Variants in CERS4 observed in about 807,000 individuals in gnomAD.
CERS4 encodes LAG1 homolog, ceramide synthase 4.
In CERS4, 65 loss-of-function variants were observed where a neutral mutation model predicts 51.8. The ratio of observed to expected loss-of-function variants is 1.26; its 90% CI spans 1.03 to 1.54. The LOEUF (loss-of-function observed/expected upper bound fraction) is 1.54. Ranked by LOEUF, CERS4 falls within the 40% of genes most tolerant of loss-of-function variation. The probability of loss-of-function intolerance (pLI) is 0.00; values close to 1 mark genes in which losing one functional copy is unlikely to be tolerated. For synonymous variants in CERS4, 228 were observed against 208.4 expected (o/e 1.09, Z -0.81); for missense variants, 563 against 500.4 (o/e 1.13, Z -1.19).
At chr19:8,213,737 G>A (rs529055444) in intron 2 of CERS4, among the ~76,000 whole-genome samples, 50 of 152,144 alleles carry the variant, frequency 3.3e-4, no homozygotes, top group African/African-American at 1.1e-3. Context: ...AGGCCGAGGC[G>A]GGCAGATCAC....
At chr19:8,244,615 C>T (rs1052132455) in intron 2 of CERS4, among the ~76,000 whole-genome samples, 1 of 152,148 alleles carries the variant, frequency 6.6e-6, no homozygotes, top group African/African-American at 2.4e-5. Flanking sequence ...ACTGGACATG[C>T]CAGAGCACCC....
At chr19:8,248,572 A>G (rs1968892235) in intron 2 of CERS4, among the ~76,000 whole-genome samples, 1 of 151,456 alleles carries the variant, frequency 6.6e-6, no homozygotes, top group Non-Finnish European at 1.5e-5. Context: ...ATGGGTGGAC[A>G]GATGGATGAT....
rs911170233 is a variant in CERS4 at position 8,210,745 on chromosome 19, G to A, written c.-119G>A. 13 of 152,274 alleles carry A rather than the reference G, an allele frequency of 8.5e-5. No individual in the cohort carries two copies. Among genetic ancestry groups the A allele is most frequent in the African/African-American group, 3.1e-4 (13 of 41,440 alleles). The allele number at this position is 152,274 out of a possible 1,614,324, so 9.4% of individuals were successfully genotyped here. ...AATAAACACAGAAGTGGAGCTGGGG[G>A]ACTGATTAGAAGCCTCATTCAGTGC... On this transcript the variant is annotated 5_prime_UTR_variant, in exon 2 of 12. Transcript: ENST00000251363. This position sits in a 1 kb window ranked among gnomAD's most constrained non-coding sequence, Gnocchi z 4.2.
At chr19:8,254,661 G>T in intron 4 of CERS4, 45 bp downstream of exon 4, 2 of 1,523,018 alleles carry the variant, frequency 1.3e-6, no homozygotes, top group South Asian at 2.4e-5. Context: ...TGCCCTGGGG[G>T]TGGGGCGTGG....
chr19:8,227,605 G>A (rs1967841084), intron 2 of CERS4, among the ~76,000 whole-genome samples: 1 of 151,970 alleles, frequency 6.6e-6, no homozygotes, highest in South Asian at 2.1e-4. Context: ...GCCTCCCAAA[G>A]TGCTCGGCTT....
chr19:8,261,382 G>A (rs1969695025), intron 10 of CERS4: 1 of 386,940 alleles, frequency 2.6e-6, no homozygotes, highest in South Asian at 3.3e-5. Context: ...GGGGGTCTGA[G>A]GAGTAGAGAG....
chr19:8,246,608 C>G (rs1366815157), intron 2 of CERS4, among the ~76,000 whole-genome samples: 1 of 151,920 alleles, frequency 6.6e-6, no homozygotes, highest in African/African-American at 2.4e-5. Context: ...AAGGAAAAAC[C>G]CATAAGCAAA....
intron 2 of CERS4, among the ~76,000 whole-genome samples, chr19:8,241,796 C>T (rs74176286): frequency 0.042 from 6,344 of 152,176 alleles, 211 homozygotes; most frequent in Admixed American, 0.064. Context: ...ATAAACTGCC[C>T]GCCTGCCCTG....
intron 3 of CERS4, among the ~76,000 whole-genome samples, chr19:8,252,938 G>A (rs1185116002): frequency 6.6e-6 from 1 of 152,200 alleles, no homozygotes; most frequent in Non-Finnish European, 1.5e-5. Context: ...GCATGTCTCT[G>A]AGCCTCAGTT....
chr19:8,248,753 T>TTGGA (rs540923046), intron 2 of CERS4, among the ~76,000 whole-genome samples: 8 of 147,034 alleles, frequency 5.4e-5, no homozygotes, highest in South Asian at 2.2e-4. Flanking sequence ...GGACAGGTGT[T>TTGGA]TGGATGGATG....
intron 2 of CERS4, among the ~76,000 whole-genome samples, chr19:8,221,043 T>C (rs902739016): frequency 2.0e-5 from 3 of 151,838 alleles, no homozygotes; most frequent in South Asian, 4.2e-4. Flanking sequence ...GCCAGGATGG[T>C]CTCGATCTCC....
intron 2 of CERS4, among the ~76,000 whole-genome samples, chr19:8,246,936 C>T (rs1017656921): frequency 2.0e-5 from 3 of 152,030 alleles, no homozygotes; most frequent in Non-Finnish European, 4.4e-5. Context: ...GAGGCTGAGG[C>T]GGGCAGATCA....
At chr19:8,261,616 T>A (rs1969705072) in intron 10 of CERS4, 72 bp from the exon 11 acceptor site, 9 of 1,568,584 alleles carry the variant, frequency 5.7e-6, no homozygotes, top group Non-Finnish European at 7.0e-6. Flanking sequence ...GCCATGCCAG[T>A]TAGAAATTCT....
At chr19:8,232,410 C>T (rs1234162691) in intron 2 of CERS4, among the ~76,000 whole-genome samples, 1 of 152,046 alleles carries the variant, frequency 6.6e-6, no homozygotes, top group East Asian at 1.9e-4. Context: ...CCTGCCTCAG[C>T]CTCCCTAGTA....
intron 2 of CERS4, among the ~76,000 whole-genome samples, chr19:8,220,315 C>G (rs911845897): frequency 2.0e-5 from 3 of 151,844 alleles, no homozygotes; most frequent in Admixed American, 6.6e-5. Flanking sequence ...CCTCTCTCTT[C>G]TTTTCTGGAG....
chr19:8,255,602 C>A lies in CERS4; in HGVS notation c.292-5C>A, dbSNP rs769796525. On this transcript the variant is annotated splice_region_variant and splice_polypyrimidine_tract_variant and intron_variant, in intron 4 of 11. Transcript: ENST00000251363. ...TGACCCTTGTCCTCATCACCCCCTC[C>A]CCAGCCCCAGCTGTCTCTCCTGGCC... 1 of 1,609,028 alleles carries A rather than the reference C, an allele frequency of 6.2e-7. No individual in the cohort carries two copies. Among genetic ancestry groups the A allele is most frequent in the South Asian group, 1.1e-5 (1 of 90,532 alleles).
At position 8,260,950 on chromosome 19, in the gene CERS4, C is replaced by CCAAAAA. The variant is rs1969654403; in HGVS notation, c.849-738_849-737insCAAAAA. On this transcript the variant is annotated intron_variant, in intron 10 of 11. Transcript: ENST00000251363. ...TGGGTGACAGAGCAAGACTCCATCT[C>CCAAAAA]AAAAAAAAAAAAAAAAAAAAAAAAA... The CCAAAAA allele has an allele frequency of 5.6e-5, 2 of 35,998 alleles. 1 individual carries two copies. The highest frequency in any genetic ancestry group is 9.7e-5 in the Non-Finnish European group (2 of 20,636). 2.2% of individuals were successfully genotyped at this position (35,998 alleles called of 1,614,324 possible). A position where few individuals can be genotyped will look rare whatever the true frequency, so the allele number is the denominator to read the frequency against.
intron 2 of CERS4, among the ~76,000 whole-genome samples, chr19:8,236,552 G>A (rs893793894): frequency 6.6e-6 from 1 of 151,662 alleles, no homozygotes; most frequent in Non-Finnish European, 1.5e-5. Context: ...GGTGGCACCC[G>A]CCTGTAGTCC....
At position 8,262,331 on chromosome 19, in the gene CERS4, G is replaced by A. The variant is rs1969751827; in HGVS notation, c.*222G>A. ...ATCTGGGAGCCAGCAGCTGGATGCT[G>A]TGGCTGGCCAGAGACACCTCCAGGC... is the stretch of plus-strand genomic sequence containing the variant. On this transcript the variant is annotated 3_prime_UTR_variant, in exon 12 of 12. Coordinates refer to ENST00000251363, the MANE Select transcript of CERS4 (RefSeq NM_024552.3). 2.3e-6 allele frequency: 1 copy of A among 426,714 alleles called. No homozygotes were observed. Among genetic ancestry groups the A allele is most frequent in the Non-Finnish European group, 4.0e-6 (1 of 249,922 alleles). The allele number at this position is 426,714 out of a possible 1,614,324, so 26.4% of individuals were successfully genotyped here.
Sources: gnomAD v4.1 joint callset for allele counts (sites outside exome capture counted in the v4.1 genomes callset) on GRCh38, gnomAD v4.1.1 for gene constraint, Gnocchi (gnomAD v3.1) non-coding constraint, MANE v1.5 for transcripts, NCBI Gene and HGNC (gene_info 2026-07-23, HGNC 2026-07-21) for gene names.